The following INTS13 variants were observed in gnomAD, a reference collection of about 807,000 sequenced individuals.
INTS13 encodes the protein integrator complex subunit 13.
INTS13 carries 35 observed loss-of-function variants against 90.2 expected under a neutral mutation model. That is an observed-to-expected ratio of 0.39 (90% CI 0.30 to 0.51). The LOEUF is 0.51. Ranked by LOEUF, INTS13 falls within the 20% of genes least tolerant of loss-of-function variation. INTS13 has a pLI of 0.80. For missense variants in INTS13, 601 were observed against 851.2 expected (o/e 0.71, Z 3.66); for synonymous variants, 309 against 277.1 (o/e 1.11, Z -1.14).
upstream of INTS13, chr12:26,938,052 C>G (rs961503606): frequency 1.3e-5 from 2 of 152,758 alleles, no homozygotes; most frequent in African/African-American, 2.4e-5. Flanking sequence ...TCCGATAGCC[C>G]GGCCAAGCCT....
intron 2 of INTS13, 43 bp from the exon 3 acceptor site, chr12:26,934,673 C>A (rs745474611): frequency 1.5e-6 from 2 of 1,305,428 alleles, no homozygotes; most frequent in East Asian, 4.6e-5. Flanking sequence ...ACTCTAATTT[C>A]ACTCAATCAC....
intron 2 of INTS13, among the ~76,000 whole-genome samples, chr12:26,935,053 T>C (rs181826063): frequency 5.9e-5 from 9 of 152,266 alleles, no homozygotes; most frequent in Admixed American, 4.6e-4. Flanking sequence ...AAGTCAGGGA[T>C]AGACAATCTG....
At chr12:26,925,618 T>A (rs1452273031) in intron 6 of INTS13, 143 bp downstream of exon 6, 2 of 630,398 alleles carry the variant, frequency 3.2e-6, no homozygotes, top group Non-Finnish European at 5.2e-6. Flanking sequence ...AACCTAGATG[T>A]CTTGACATAG....
At chr12:26,931,134 T>A (rs1349427460) in intron 3 of INTS13, among the ~76,000 whole-genome samples, 4 of 150,502 alleles carry the variant, frequency 2.7e-5, no homozygotes, top group East Asian at 1.9e-4. Flanking sequence ...AAAATAAAAT[T>A]AAATTAAAAA....
chr12:26,927,060 C>T (rs2137528483), intron 5 of INTS13, among the ~76,000 whole-genome samples: 2 of 152,354 alleles, frequency 1.3e-5, no homozygotes, highest in Admixed American at 1.3e-4. Flanking sequence ...CACCCCAACT[C>T]CACAGGGACA....
At chr12:26,906,146 A>G (rs1951601348) in intron 16 of INTS13, among the ~76,000 whole-genome samples, 156 bp downstream of exon 16, 1 of 152,200 alleles carries the variant, frequency 6.6e-6, no homozygotes, top group Admixed American at 6.5e-5. Context: ...TTTAGAAGCA[A>G]GAATCAAAGA....
intron 2 of INTS13, among the ~76,000 whole-genome samples, chr12:26,935,897 T>G (rs1023201506): frequency 2.0e-5 from 3 of 152,142 alleles, no homozygotes; most frequent in South Asian, 2.1e-4. Flanking sequence ...TTTCCCAAAA[T>G]AAGACATTTA....
chr12:26,933,622 A>G (rs1938311610), intron 3 of INTS13, among the ~76,000 whole-genome samples: 1 of 152,188 alleles, frequency 6.6e-6, no homozygotes, highest in African/African-American at 2.4e-5. Context: ...ACACAAAGAA[A>G]AAGAGAGGAA....
chr12:26,924,261 G>C (rs567327897), intron 7 of INTS13, 94 bp downstream of exon 7: 1 of 1,386,538 alleles, frequency 7.2e-7, no homozygotes, highest in African/African-American at 1.5e-5. Context: ...CCAAAGTGCT[G>C]GGATTACAGG....
intron 2 of INTS13, among the ~76,000 whole-genome samples, chr12:26,935,239 T>G (rs1938399730): frequency 6.6e-6 from 1 of 152,176 alleles, no homozygotes. Flanking sequence ...TAAAGTAAAA[T>G]GCAAATTTGA....
chr12:26,910,875 G>A (rs974520747), intron 15 of INTS13, among the ~76,000 whole-genome samples: 15 of 151,314 alleles, frequency 9.9e-5, no homozygotes, highest in Admixed American at 6.6e-5. Flanking sequence ...TTGCTCTGTC[G>A]CCCAGGCTGA....
At chr12:26,920,215 C>G (rs1324474331) in intron 8 of INTS13, among the ~76,000 whole-genome samples, 2 of 152,082 alleles carry the variant, frequency 1.3e-5, no homozygotes, top group East Asian at 3.9e-4. Context: ...CTGTTACCAC[C>G]TCAGTAAAAC....
chr12:26,906,685 A>T (rs2137385107), intron 15 of INTS13, among the ~76,000 whole-genome samples: 1 of 152,326 alleles, frequency 6.6e-6, no homozygotes, highest in South Asian at 2.1e-4. Flanking sequence ...GACTAAATGT[A>T]AAGTTACACT....
intron 13 of INTS13, 137 bp from the exon 14 acceptor site, chr12:26,913,824 T>A: frequency 9.1e-7 from 1 of 1,095,022 alleles, no homozygotes. Flanking sequence ...GGCTACAATA[T>A]ATCCATTTCT....
intron 16 of INTS13, 94 bp downstream of exon 16, chr12:26,906,205 GTAA>G: frequency 1.7e-6 from 2 of 1,169,620 alleles, no homozygotes; most frequent in Non-Finnish European, 2.4e-6. Context: ...CATAATATTA[GTAA>G]TAAAAAACTG....
rs1189974937 is a variant in INTS13, at chr12:26,928,614, T to C, written c.503+89A>G. 9 of 1,349,398 alleles carry C rather than the reference T, an allele frequency of 6.7e-6. No homozygotes were observed. The Admixed American group carries it at 9.3e-5, about 14-fold the overall frequency. The allele number at this position is 1,349,398 out of a possible 1,614,324, so 83.6% of individuals were successfully genotyped here. On this transcript the variant is annotated intron_variant, in intron 4 of 16. Coordinates refer to ENST00000261191, the MANE Select transcript of INTS13 (RefSeq NM_018164.3). ...CTTGTAATATGCTTAAACGTAAACA[T>C]GTAAACATGCTGTCTCTACTATTCT...
chr12:26,924,093 C>T (rs905772693), intron 7 of INTS13, among the ~76,000 whole-genome samples: 9 of 151,752 alleles, frequency 5.9e-5, no homozygotes, highest in Middle Eastern at 3.4e-3. Context: ...ACAGAAAATA[C>T]GATATGGGGA....
intron 15 of INTS13, among the ~76,000 whole-genome samples, chr12:26,908,964 T>A (rs1347014120): frequency 6.6e-6 from 1 of 152,166 alleles, no homozygotes; most frequent in Non-Finnish European, 1.5e-5. Context: ...CATATGTGTA[T>A]GAAAACTTAA....
chr12:26,925,638 T>C, intron 6 of INTS13, 123 bp downstream of exon 6: 3 of 821,858 alleles, frequency 3.7e-6, no homozygotes, highest in South Asian at 2.0e-5. Context: ...GAGGTTTACT[T>C]TGAAAACTCA....
Sources: gnomAD v4.1 joint callset for allele counts (sites outside exome capture counted in the v4.1 genomes callset) on GRCh38, gnomAD v4.1.1 for gene constraint, MANE v1.5 for transcripts, NCBI Gene and HGNC (gene_info 2026-07-23, HGNC 2026-07-21) for gene names.